Variants in R3HDM2 observed in about 807,000 individuals in gnomAD.
The protein encoded by R3HDM2 is R3H domain containing 2, also known as R3H domain-containing protein 2.
R3HDM2 carries 38 observed loss-of-function variants against 124.5 expected under a neutral mutation model. The ratio of observed to expected loss-of-function variants is 0.31; its 90% confidence interval spans 0.24 to 0.40. The LOEUF (loss-of-function observed/expected upper bound fraction) is 0.40, where lower values mean the gene tolerates loss of function less well. R3HDM2 is among the 10% of genes least tolerant of loss of function. The pLI is 1.00. For missense variants in R3HDM2, 869 were observed against 1,236.9 expected (o/e 0.70, Z 4.46); for synonymous variants, 391 against 448.0 (o/e 0.87, Z 1.61).
At chr12:57,383,130 T>C (rs555778008) in intron 2 of R3HDM2, among the ~76,000 whole-genome samples, 7 of 151,970 alleles carry the variant, frequency 4.6e-5, no homozygotes, top group East Asian at 4.0e-4. Context: ...TCTGGGATTA[T>C]AGGCGTGAGC....
At chr12:57,276,216 A>T (rs1229471251) in intron 14 of R3HDM2, among the ~76,000 whole-genome samples, 2 of 151,858 alleles carry the variant, frequency 1.3e-5, no homozygotes, top group African/African-American at 4.8e-5. Flanking sequence ...TCTAAAAAAA[A>T]AAAAAAAAAA....
At chr12:57,338,647 C>T (rs1195608887) in intron 2 of R3HDM2, among the ~76,000 whole-genome samples, 1 of 152,168 alleles carries the variant, frequency 6.6e-6, no homozygotes, top group African/African-American at 2.4e-5. Flanking sequence ...CCACCCTGGC[C>T]TCCCAAAGTA....
intron 2 of R3HDM2, among the ~76,000 whole-genome samples, chr12:57,391,027 AAAAG>A (rs1374314736): frequency 5.9e-5 from 9 of 152,006 alleles, no homozygotes; most frequent in Non-Finnish European, 1.2e-4. Flanking sequence ...AAAAAAAAAA[AAAAG>A]AAAGAAAGAA....
intron 1 of R3HDM2, chr12:57,418,332 G>A (rs566073207): frequency 4.1e-6 from 4 of 985,306 alleles, no homozygotes; most frequent in East Asian, 1.1e-4. Context: ...TTTAGTTAAC[G>A]GGGCAAGGCC....
chr12:57,401,380 T>TA (rs1334298023), intron 1 of R3HDM2, among the ~76,000 whole-genome samples: 1 of 151,800 alleles, frequency 6.6e-6, no homozygotes, highest in Non-Finnish European at 1.5e-5. Context: ...CAAGAGGCCA[T>TA]ACCAACCTAG....
intron 1 of R3HDM2, among the ~76,000 whole-genome samples, chr12:57,427,704 G>A (rs28504983): frequency 0.45 from 67,789 of 151,694 alleles, 15,709 homozygotes; most frequent in South Asian, 0.52. Flanking sequence ...AGGTTGATAA[G>A]GGTTAAGGCA....
chr12:57,356,880 G>A (rs1334558762), intron 2 of R3HDM2, among the ~76,000 whole-genome samples: 1 of 152,098 alleles, frequency 6.6e-6, no homozygotes, highest in Non-Finnish European at 1.5e-5. Flanking sequence ...GGCCGAGGCG[G>A]GCGAATCGCG....
At chr12:57,300,045 C>G (rs2050774708) in intron 5 of R3HDM2, 50 bp downstream of exon 5, 2 of 1,392,992 alleles carry the variant, frequency 1.4e-6, no homozygotes, top group African/African-American at 2.9e-5. Flanking sequence ...TACATCTTAC[C>G]AAACAACTGC....
chr12:57,281,053 C>T (rs998610611), intron 13 of R3HDM2, among the ~76,000 whole-genome samples: 5 of 152,028 alleles, frequency 3.3e-5, no homozygotes, highest in East Asian at 3.9e-4. Context: ...GAGGCTGAGG[C>T]GGGTGGATCA....
intron 2 of R3HDM2, among the ~76,000 whole-genome samples, chr12:57,384,014 A>G (rs2065297494): frequency 6.6e-6 from 1 of 152,174 alleles, no homozygotes; most frequent in Non-Finnish European, 1.5e-5. Flanking sequence ...CTTCAGAAGG[A>G]GGGAATACTT....
At chr12:57,403,094 A>G (rs997168691) in intron 1 of R3HDM2, among the ~76,000 whole-genome samples, 1 of 151,878 alleles carries the variant, frequency 6.6e-6, no homozygotes, top group Non-Finnish European at 1.5e-5. Flanking sequence ...GGTGGCTCAT[A>G]CCTGTAATCC....
At position 57,267,227 on chromosome 12, in the gene R3HDM2, A is replaced by C. The variant is rs75129405; in HGVS notation, c.2031-396T>G. On this transcript the variant is annotated intron_variant, in intron 18 of 23. Coordinates refer to ENST00000402412, the MANE Select transcript of R3HDM2 (RefSeq NM_001394031.1). ...AGAAAGAGATGGGTAAAAAAAAAAAACACAAAAACTAAGGATTGCTAATTA... is the reference window on the plus strand; with the variant it reads ...AGAAAGAGATGGGTAAAAAAAAAAACCACAAAAACTAAGGATTGCTAATTA... 6.8e-3 allele frequency among the ~76,000 whole-genome samples: 1,042 copies of C among 152,218 alleles called. 19 individuals carry two copies. The East Asian group carries it at 0.072, about 11-fold the overall frequency.
intron 1 of R3HDM2, among the ~76,000 whole-genome samples, chr12:57,401,146 T>C (rs986835292): frequency 7.3e-5 from 11 of 151,632 alleles, no homozygotes; most frequent in African/African-American, 2.7e-4. Context: ...CACAGTTATG[T>C]GTAACAATTC....
intron 1 of R3HDM2, among the ~76,000 whole-genome samples, chr12:57,420,537 T>TA (rs1279882458): frequency 6.6e-6 from 1 of 151,088 alleles, no homozygotes; most frequent in Non-Finnish European, 1.5e-5. Flanking sequence ...TTTTTTTTTT[T>TA]AATAGAGATG....
At chr12:57,408,689 C>A (rs760781428) in intron 1 of R3HDM2, among the ~76,000 whole-genome samples, 1 of 151,970 alleles carries the variant, frequency 6.6e-6, no homozygotes, top group East Asian at 1.9e-4. Context: ...TGAATACATA[C>A]GAAATTTTCC....
chr12:57,318,647 CAA>C (rs796518215), intron 2 of R3HDM2, among the ~76,000 whole-genome samples: 2 of 117,068 alleles, frequency 1.7e-5, no homozygotes, highest in African/African-American at 3.2e-5. Context: ...GACTCCATCT[CAA>C]AAAAAAAAAG....
At chr12:57,312,537 T>C (rs1447818969) in intron 2 of R3HDM2, among the ~76,000 whole-genome samples, 1 of 152,036 alleles carries the variant, frequency 6.6e-6, no homozygotes, top group Non-Finnish European at 1.5e-5. Flanking sequence ...AGATAAATTA[T>C]CTTTAGAGGG....
intron 1 of R3HDM2, among the ~76,000 whole-genome samples, chr12:57,425,729 C>T (rs182999633): frequency 4.6e-5 from 7 of 152,146 alleles, no homozygotes; most frequent in Admixed American, 3.3e-4. Context: ...ACCTGGGAGG[C>T]GGAGGTGGTA....
chr12:57,313,881 T>TG (rs2054465646), intron 2 of R3HDM2, among the ~76,000 whole-genome samples: 1 of 83,172 alleles, frequency 1.2e-5, no homozygotes, highest in Non-Finnish European at 2.2e-5. Context: ...ATCCTGTCTC[T>TG]GAAAAAAAAA....
Sources: gnomAD v4.1 joint callset for allele counts (sites outside exome capture counted in the v4.1 genomes callset) on GRCh38, gnomAD v4.1.1 for gene constraint, MANE v1.5 for transcripts, NCBI Gene and HGNC (gene_info 2026-07-23, HGNC 2026-07-21) for gene names.